CIRBP: variants seen among roughly 807,000 people sequenced by gnomAD.
The protein encoded by CIRBP is cold-inducible RNA-binding protein.
Under a neutral mutation model 22.3 loss-of-function variants are expected in CIRBP, and 11 were observed. The observed-to-expected ratio is 0.49, with a 90% CI of 0.31 to 0.82. The LOEUF (loss-of-function observed/expected upper bound fraction) is 0.82. Ranked by LOEUF, CIRBP falls within the 40% of genes least tolerant of loss-of-function variation. The pLI, the probability that CIRBP is intolerant of heterozygous loss-of-function variation, is 0.05. For synonymous variants in CIRBP, 216 were observed against 158.8 expected (o/e 1.36, Z -2.71); for missense variants, 456 against 402.7 (o/e 1.13, Z -1.13).
chr19:1,274,204 C>A lies in CIRBP; in HGVS notation c.*1761C>A. 1 of 399,280 alleles carries A rather than the reference C, an allele frequency of 2.5e-6. No individual in the cohort carries two copies. Among genetic ancestry groups the A allele is most frequent in the Non-Finnish European group, 4.4e-6 (1 of 225,706 alleles). 24.7% of individuals were successfully genotyped at this position (399,280 alleles called of 1,614,324 possible). ...CCTGAGGTCACAGCCCCCTGACTAG[C>A]CTGAGACCTTCCTAGGGGCTGTGGC... On this transcript the variant is annotated 3_prime_UTR_variant, in exon 6 of 6. Transcript: ENST00000587896.
Position 1,272,260 on chromosome 19 carries a change from G to A in CIRBP, c.711G>A (p.Gly237=). 6.2e-7 allele frequency: 1 copy of A among 1,610,260 alleles called. No individual in the cohort carries two copies. The highest frequency in any genetic ancestry group is 8.5e-7 in the Non-Finnish European group (1 of 1,178,770). Residue 237 remains glycine, a synonymous_variant, in exon 6 of 6, where the codon GGG becomes GGA. Transcript: ENST00000587896. The part of the protein sequence containing the change: ...ETDQKGKGER[G]PAGQSARCMC... ...ACCAAAAAGGCAAGGGAGAGCGAGGGCCCGCTGGGCAGTCAGCTAGGTGCA... is the reference window on the plus strand; with the variant it reads ...ACCAAAAAGGCAAGGGAGAGCGAGGACCCGCTGGGCAGTCAGCTAGGTGCA...
At chr19:1,271,694 T>G in intron 5 of CIRBP, 62 bp downstream of exon 5, 1 of 1,087,656 alleles carries the variant, frequency 9.2e-7, no homozygotes, top group Non-Finnish European at 1.3e-6. Context: ...CCGTCCCGGG[T>G]CCCAGGTCCC....
chr19:1,270,224 G>C (rs945443373), intron 1 of CIRBP: 1 of 336,716 alleles, frequency 3.0e-6, no homozygotes, highest in Non-Finnish European at 5.8e-6. Context: ...CGGCCTCCCT[G>C]ACAGCCAGCC....
In CIRBP at chr19:1,273,029, C is replaced by T. The variant is rs2081369244; in HGVS notation, c.*586C>T. ...GACGTGCAGACGTCCCTGAGAGGTT[C>T]TTGAAGATGTTTATTTATATTGTCC... On this transcript the variant is annotated 3_prime_UTR_variant, in exon 6 of 6. Coordinates refer to ENST00000587896, the MANE Select transcript of CIRBP (RefSeq NM_001300829.2). The T allele has an allele frequency of 6.6e-6, 1 of 152,324 alleles. No homozygotes were observed. The highest frequency in any genetic ancestry group is 2.4e-5 in the African/African-American group (1 of 41,444). 9.4% of individuals were successfully genotyped at this position (152,324 alleles called of 1,614,324 possible).
In CIRBP at chr19:1,271,232, G is replaced by T; in HGVS notation, c.196G>T (p.Ala66Ser). 1 of 1,614,068 alleles carries T rather than the reference G, an allele frequency of 6.2e-7. No homozygotes were observed. The highest frequency in any genetic ancestry group is 8.5e-7 in the Non-Finnish European group (1 of 1,180,018). The change falls in exon 3 of 6, where the codon GCC (alanine) becomes TCC (serine). Residue 66 changes from alanine (A) to serine (S), a missense_variant. Transcript: ENST00000587896. The stretch of plus-strand genomic sequence containing the variant: ...TGACGACGCTAAGGATGCCATGATG[G>T]CCATGAATGGGAAGGTGAGGATCAG... ...NIDDAKDAMM[A>S]MNGKSVDGRQ... is the part of the protein sequence containing the mutation.
rs747381780 is a variant in CIRBP at position 1,272,358 on chromosome 19, T to C, written c.809T>C (p.Leu270Pro). The change falls in exon 6 of 6, where the codon CTG (leucine) becomes CCG (proline). Residue 270 changes from leucine to proline, a missense_variant. Leu to Pro is a moderately conservative substitution (Grantham distance 98, BLOSUM62 -3). Around this residue, in one of 2 missense-constraint regions of CIRBP, gnomAD observed 426 missense variants for 339.6 expected, o/e 1.25. Coordinates refer to ENST00000587896, the MANE Select transcript of CIRBP (RefSeq NM_001300829.2). ...LLPGRRPRPG[L>P]ASGVKLPLVA... ...CCCGGCCGCAGGCCGCGCCCTGGTC[T>C]GGCCTCTGGGGTGAAGCTGCCTCTT... 4 of 1,611,486 alleles carry C rather than the reference T, an allele frequency of 2.5e-6. No individual in the cohort carries two copies. Among genetic ancestry groups the C allele is most frequent in the Middle Eastern group, 1.6e-4 (1 of 6,072 alleles).
chr19:1,270,048 C>A (rs371306865), intron 1 of CIRBP: 1 of 519,926 alleles, frequency 1.9e-6, no homozygotes, highest in South Asian at 1.4e-5. Flanking sequence ...AATGCTTTGT[C>A]TGTGTCAGCA....
chr19:1,272,331 TC>T lies in CIRBP; in HGVS notation c.786del (p.Gly263AlafsTer12). The T allele has an allele frequency of 6.2e-7, 1 of 1,613,596 alleles. No individual in the cohort carries two copies. ...TCCCTCGGCTGTGGGGGGTGGTTGCTCCCCGGCCGCAGGCCGCGCCCTGGTC... is the reference window on the plus strand; with the variant it reads ...TCCCTCGGCTGTGGGGGGTGGTTGCTCCCGGCCGCAGGCCGCGCCCTGGTC... ...PASLGCGGWL[L>X]PGRRPRPGLA... On this transcript the variant is annotated frameshift_variant, in exon 6 of 6. Transcript: ENST00000587896. LOFTEE classifies it low-confidence loss of function (END_TRUNC).
At chr19:1,271,297 A>G in intron 3 of CIRBP, 32 bp from the exon 4 acceptor site, 2 of 1,614,014 alleles carry the variant, frequency 1.2e-6, no homozygotes, top group Non-Finnish European at 1.7e-6. Context: ...TGGGGCACCC[A>G]CCTGCTAACC....
Position 1,272,572 on chromosome 19 carries a change from A to T in CIRBP, c.*129A>T. On this transcript the variant is annotated 3_prime_UTR_variant, in exon 6 of 6. Transcript: ENST00000587896. ...CACTTTCGTAGTCATTTCGGTTCTGATCTTGTCAAACCCAGCCTGACCGCT... is the reference window on the plus strand; with the variant it reads ...CACTTTCGTAGTCATTTCGGTTCTGTTCTTGTCAAACCCAGCCTGACCGCT... The T allele has an allele frequency of 1.1e-6, 1 of 883,934 alleles. No individual in the cohort carries two copies. Among genetic ancestry groups the T allele is most frequent in the Non-Finnish European group, 1.8e-6 (1 of 569,330 alleles). 54.8% of individuals were successfully genotyped at this position (883,934 alleles called of 1,614,324 possible).
chr19:1,271,311 C>T lies in CIRBP; in HGVS notation c.211-18C>T. On this transcript the variant is annotated intron_variant, in intron 3 of 5. Coordinates refer to ENST00000587896, the MANE Select transcript of CIRBP (RefSeq NM_001300829.2). Reference sequence around the variant, plus strand: ...ATGGGGCACCCACCTGCTAACCCGTCCCGCCCTCTGTCTCCAGTCTGTAGA... The same window carrying T: ...ATGGGGCACCCACCTGCTAACCCGTTCCGCCCTCTGTCTCCAGTCTGTAGA... 1 of 1,614,042 alleles carries T rather than the reference C, an allele frequency of 6.2e-7. No individual in the cohort carries two copies. Among genetic ancestry groups the T allele is most frequent in the Non-Finnish European group, 8.5e-7 (1 of 1,180,024 alleles).
rs1463553622 is a variant in CIRBP, at chr19:1,273,343, G to C, written c.*900G>C. 1 of 152,658 alleles carries C rather than the reference G, an allele frequency of 6.6e-6. No homozygotes were observed. The highest frequency in any genetic ancestry group is 1.5e-5 in the Non-Finnish European group (1 of 68,340). 9.5% of individuals were successfully genotyped at this position (152,658 alleles called of 1,614,324 possible). A position where few individuals can be genotyped will look rare whatever the true frequency, so the allele number is the denominator to read the frequency against. On this transcript the variant is annotated 3_prime_UTR_variant, in exon 6 of 6. Transcript: ENST00000587896. ...CAGACTGGCGCTGGTCAGGGTAGGG[G>C]AGCCAGGCGGGGGACGGGAGCGGGC...
Position 1,272,118 on chromosome 19 carries a change from C to T in CIRBP, c.569C>T (p.Pro190Leu), listed in dbSNP as rs768866584. ...GTGGGAGCTCGGTTCACCTTGGTGC[C>T]CTCTCCAAGCACTTTAGGCTGGACA... ...PAVGARFTLV[P>L]SPSTLGWTLR... The change falls in exon 6 of 6, where the codon CCC (proline) becomes CTC (leucine). Residue 190 changes from proline to leucine, a missense_variant. Around this residue, in one of 2 missense-constraint regions of CIRBP, gnomAD observed 426 missense variants for 339.6 expected, o/e 1.25. Coordinates refer to ENST00000587896, the MANE Select transcript of CIRBP (RefSeq NM_001300829.2). The T allele has an allele frequency of 4.3e-6, 7 of 1,613,770 alleles. No homozygotes were observed. The Admixed American group carries it at 5.0e-5, about 12-fold the overall frequency.
At chr19:1,271,699 G>A (rs1034579398) in intron 5 of CIRBP, 67 bp downstream of exon 5, 1 of 1,038,882 alleles carries the variant, frequency 9.6e-7, no homozygotes, top group East Asian at 2.5e-5. Flanking sequence ...CCGGGTCCCA[G>A]GTCCCTGGGG....
Position 1,272,354 on chromosome 19 carries a change from G to T in CIRBP, c.805G>T (p.Gly269Cys), listed in dbSNP as rs1485469756. 4 of 1,612,176 alleles carry T rather than the reference G, an allele frequency of 2.5e-6. No individual in the cohort carries two copies. In the Admixed American group the frequency reaches 5.0e-5, roughly 20 times the overall value. ...WLLPGRRPRPGLASGVKLPLV... is the reference protein window; with the variant it reads ...WLLPGRRPRPCLASGVKLPLV... Reference sequence around the variant, plus strand: ...GCTCCCCGGCCGCAGGCCGCGCCCTGGTCTGGCCTCTGGGGTGAAGCTGCC... The same window carrying T: ...GCTCCCCGGCCGCAGGCCGCGCCCTTGTCTGGCCTCTGGGGTGAAGCTGCC... The change falls in exon 6 of 6, where the codon GGT becomes TGT. Residue 269 changes from glycine to cysteine, a missense_variant. Physicochemically the swap from Gly to Cys is radical, Grantham distance 159 (BLOSUM62 -3). This residue lies in a region of CIRBP where 426 missense variants were observed against 339.6 expected (regional missense o/e 1.25). Coordinates refer to ENST00000587896, the MANE Select transcript of CIRBP (RefSeq NM_001300829.2).
In CIRBP at chr19:1,272,713, G is replaced by A; in HGVS notation, c.*270G>A. On this transcript the variant is annotated 3_prime_UTR_variant, in exon 6 of 6. Transcript: ENST00000587896. ...TTACTTTTTTGACCACGAGCCATGA[G>A]TTTTCAAAAAAATCGGGGGTTGTGT... 3.1e-6 allele frequency: 1 copy of A among 325,116 alleles called. No homozygotes were observed. Among genetic ancestry groups the A allele is most frequent in the Non-Finnish European group, 5.6e-6 (1 of 178,494 alleles). The allele number at this position is 325,116 out of a possible 1,614,324, so 20.1% of individuals were successfully genotyped here. A position where few individuals can be genotyped will look rare whatever the true frequency, so the allele number is the denominator to read the frequency against.
chr19:1,270,286 C>T, intron 1 of CIRBP: 1 of 365,006 alleles, frequency 2.7e-6, no homozygotes, highest in Admixed American at 3.5e-5. Context: ...ACGTTCTGGT[C>T]CAGCAACAAG....
rs903999076 is a variant in CIRBP at position 1,269,332 on chromosome 19, C to CG, written c.-85_-84insG. 2.6e-4 allele frequency: 39 copies of CG among 152,092 alleles called. No individual in the cohort carries two copies. Among genetic ancestry groups the CG allele is most frequent in the African/African-American group, 8.9e-4 (37 of 41,478 alleles). The allele number at this position is 152,092 out of a possible 1,614,324, so 9.4% of individuals were successfully genotyped here. On this transcript the variant is annotated 5_prime_UTR_variant, in exon 1 of 6. Coordinates refer to ENST00000587896, the MANE Select transcript of CIRBP (RefSeq NM_001300829.2). ...AGGCCGGGCTCGGGGACGCCCCCCC[C>CG]TCACTCGCGCGTTAGGAGGCTCGGG...
Position 1,272,211 on chromosome 19 carries a change from G to A in CIRBP, c.662G>A (p.Arg221Lys). The A allele has an allele frequency of 6.3e-7, 1 of 1,593,682 alleles. No homozygotes were observed. ...TCCTCTCAGAGCCATTTCTATCGCA[G>A]GACGCAAAAGCCAAATGAGACTGAC... ...HLSSQSHFYR[R>K]TQKPNETDQK... The change falls in exon 6 of 6, where the codon AGG (arginine) becomes AAG (lysine). Residue 221 changes from arginine to lysine, a missense_variant. By Grantham distance (26) the Arg-to-Lys change is conservative. Transcript: ENST00000587896.
Sources: gnomAD v4.1 joint callset for allele counts on GRCh38, gnomAD v4.1.1 for gene constraint, gnomAD v4.1.1 regional missense constraint, MANE v1.5 for transcripts, NCBI Gene and HGNC (gene_info 2026-07-23, HGNC 2026-07-21) for gene names.